POLA1: variants seen among roughly 807,000 people sequenced by gnomAD.
The protein encoded by POLA1 is DNA polymerase alpha catalytic subunit.
A neutral mutation model predicts 124.0 loss-of-function variants in POLA1; 15 were observed. That is an observed-to-expected ratio of 0.12 (90% CI 0.08 to 0.19). POLA1 has a LOEUF of 0.19. Among genes scored for constraint, POLA1 ranks in the 10% least tolerant of loss-of-function variants. POLA1 has a pLI of 1.00. For synonymous variants in POLA1, 408 were observed against 389.4 expected (o/e 1.05, Z -0.56); for missense variants, 886 against 1,103.4 (o/e 0.80, Z 2.79).
intron 35 of POLA1, among the ~76,000 whole-genome samples, chrX:24,918,755 G>T: frequency 9.0e-6 from 1 of 111,463 alleles, no homozygotes; most frequent in Non-Finnish European, 1.9e-5. Flanking sequence ...TGAGGGCCTC[G>T]GGCTGCTTCC....
chrX:24,746,565 T>C (rs1231441672), intron 24 of POLA1, among the ~76,000 whole-genome samples: 3 of 112,133 alleles, frequency 2.7e-5, no homozygotes, highest in African/African-American at 9.7e-5. Context: ...TCATACATGG[T>C]ACCTCAGAAC....
At chrX:24,836,252 T>C (rs1205027864) in intron 32 of POLA1, among the ~76,000 whole-genome samples, 2 of 112,303 alleles carry the variant, frequency 1.8e-5, no homozygotes, top group Non-Finnish European at 3.8e-5. Flanking sequence ...TACCACACTG[T>C]ATGGCTATCT....
At chrX:24,939,406 G>GT (rs747526835) in intron 36 of POLA1, among the ~76,000 whole-genome samples, 8 of 112,080 alleles carry the variant, frequency 7.1e-5, no homozygotes, top group Non-Finnish European at 1.1e-4. Flanking sequence ...AAAATGTATT[G>GT]TGCTTACACA....
intron 7 of POLA1, 115 bp downstream of exon 7, chrX:24,716,569 A>G (rs1370998137): frequency 4.3e-6 from 2 of 465,462 alleles, no homozygotes; most frequent in East Asian, 3.7e-5. Flanking sequence ...TTTGTTTTAA[A>G]TTAGGACTCC....
In POLA1 at chrX:24,935,321, A is replaced by C. The variant is rs56048676; in HGVS notation, c.4261+4772A>C. ...AATTTCTTAATAAATTCCTTTGAAC[A>C]CTGCCGGAATTGGAACACTAGGATG... On this transcript the variant is annotated intron_variant, in intron 36 of 36. Coordinates refer to ENST00000379068, the MANE Select transcript of POLA1 (RefSeq NM_001330360.2). Among the ~76,000 whole-genome samples, 331 of 112,690 alleles carry C rather than the reference A, an allele frequency of 2.9e-3. 1 individual carries two copies. Among genetic ancestry groups the C allele is most frequent in the African/African-American group, 0.01 (320 of 31,062 alleles).
intron 29 of POLA1, 57 bp from the exon 30 acceptor site, chrX:24,814,922 A>C (rs2045966810): frequency 9.5e-7 from 1 of 1,057,249 alleles, no homozygotes; most frequent in African/African-American, 1.9e-5. Flanking sequence ...TTTACTAGTA[A>C]AATATATTAA....
chrX:24,742,177 A>C, intron 22 of POLA1, 56 bp downstream of exon 22: 2 of 685,985 alleles, frequency 2.9e-6, no homozygotes, highest in Non-Finnish European at 2.1e-6. Context: ...CCCCCTTTTA[A>C]TACCTAGATA....
chrX:24,866,965 T>TA (rs1030409865), intron 34 of POLA1, among the ~76,000 whole-genome samples: 16 of 111,672 alleles, frequency 1.4e-4, no homozygotes, highest in East Asian at 2.8e-4. Flanking sequence ...TCATTTGAGG[T>TA]AAAAAAAATT....
In POLA1 at chrX:24,888,138, T is replaced by C. The variant is rs1178179300; in HGVS notation, c.4164+16T>C. The C allele has an allele frequency of 4.9e-6, 5 of 1,022,702 alleles. No homozygotes were observed. Among genetic ancestry groups the C allele is most frequent in the Non-Finnish European group, 6.9e-6 (5 of 723,658 alleles). The allele number at this position is 1,022,702 out of a possible 1,213,427, so 84.3% of individuals were successfully genotyped here. A position where few individuals can be genotyped will look rare whatever the true frequency, so the allele number is the denominator to read the frequency against. ...TCAACCAGAGGTAACAGTCTCATAA[T>C]GCTAAAGAACCATGTAGAAGAGGGT... On this transcript the variant is annotated intron_variant, in intron 35 of 36. Coordinates refer to ENST00000379068, the MANE Select transcript of POLA1 (RefSeq NM_001330360.2).
chrX:24,852,162 C>G (rs2046571152), intron 34 of POLA1, among the ~76,000 whole-genome samples: 1 of 111,996 alleles, frequency 8.9e-6, no homozygotes, highest in Non-Finnish European at 1.9e-5. Context: ...GTTAATTCAG[C>G]TGCCTTTCCA....
chrX:24,720,495 G>A (rs188294030), intron 10 of POLA1, among the ~76,000 whole-genome samples: 2 of 112,097 alleles, frequency 1.8e-5, no homozygotes, highest in East Asian at 5.6e-4. Context: ...AAATTTCAGA[G>A]ACTAGTGTTG....
In POLA1 at chrX:24,848,202, A is replaced by AT. The variant is rs780000374; in HGVS notation, c.4047+4530dup. On this transcript the variant is annotated intron_variant, in intron 34 of 36. Coordinates refer to ENST00000379068, the MANE Select transcript of POLA1 (RefSeq NM_001330360.2). ...TACTCTCTTTCTGTTCTCTCCTTGTATTTTTCTCTTTTACTTCTTAGTATA... is the reference window on the plus strand; with the variant it reads ...TACTCTCTTTCTGTTCTCTCCTTGTATTTTTTCTCTTTTACTTCTTAGTATA... Among the ~76,000 whole-genome samples the AT allele has an allele frequency of 3.5e-3, 388 of 112,050 alleles. 3 individuals carry two copies. Among genetic ancestry groups the AT allele is most frequent in the African/African-American group, 0.011 (354 of 30,876 alleles).
intron 23 of POLA1, among the ~76,000 whole-genome samples, chrX:24,744,823 C>T (rs951982197): frequency 8.4e-5 from 9 of 107,719 alleles, no homozygotes; most frequent in African/African-American, 2.7e-4. Context: ...CGGTGTTGCG[C>T]GCCTGTAGTC....
chrX:24,748,700 A>G (rs1212183924), intron 25 of POLA1, among the ~76,000 whole-genome samples, 170 bp from the exon 26 acceptor site: 3 of 112,239 alleles, frequency 2.7e-5, no homozygotes, highest in Non-Finnish European at 5.6e-5. Context: ...TGCTGCTTCT[A>G]GGAGGTTAGG....
intron 35 of POLA1, among the ~76,000 whole-genome samples, chrX:24,891,370 T>A (rs1322775367): frequency 2.7e-5 from 3 of 111,621 alleles, no homozygotes; most frequent in Non-Finnish European, 5.6e-5. Flanking sequence ...GATACTTTCC[T>A]TAGCCATTCC....
At chrX:24,991,241 G>GAC (rs2048532863) in intron 36 of POLA1, among the ~76,000 whole-genome samples, 1 of 95,687 alleles carries the variant, frequency 1.0e-5, no homozygotes, top group African/African-American at 3.8e-5. Context: ...CAGTATGGTT[G>GAC]ACAGTACTTT....
intron 35 of POLA1, among the ~76,000 whole-genome samples, chrX:24,906,655 T>A (rs2047370695): frequency 9.0e-6 from 1 of 110,562 alleles, no homozygotes; most frequent in Admixed American, 9.6e-5. Flanking sequence ...AAACCACCTG[T>A]ACCCCCAAAA....
chrX:24,697,748 C>T (rs932452769), intron 1 of POLA1, among the ~76,000 whole-genome samples: 10 of 110,669 alleles, frequency 9.0e-5, no homozygotes, highest in African/African-American at 3.3e-4. Context: ...TTTAGGCTGC[C>T]TCTTATCCAT....
intron 27 of POLA1, 112 bp from the exon 28 acceptor site, chrX:24,810,594 CTT>C: frequency 2.7e-6 from 1 of 371,665 alleles, no homozygotes; most frequent in South Asian, 6.5e-5. Context: ...TTAACATAAA[CTT>C]TTGAAAAGTC....
Sources: gnomAD v4.1 joint callset for allele counts (sites outside exome capture counted in the v4.1 genomes callset) on GRCh38, gnomAD v4.1.1 for gene constraint, MANE v1.5 for transcripts, NCBI Gene and HGNC (gene_info 2026-07-23, HGNC 2026-07-21) for gene names.